Variants in CPPED1 observed in about 807,000 individuals in gnomAD.
CPPED1 encodes the protein serine/threonine-protein phosphatase CPPED1.
CPPED1 carries 28 observed loss-of-function variants against 28.0 expected under a neutral mutation model. That is an observed-to-expected ratio of 1.00 (90% confidence interval 0.74 to 1.37). The LOEUF (loss-of-function observed/expected upper bound fraction) is 1.37. Among genes scored for constraint, CPPED1 ranks in the 40% most tolerant of loss-of-function variants. The pLI is 0.00. For missense variants in CPPED1, 504 were observed against 416.5 expected, an observed-to-expected ratio of 1.21 and a Z score of -1.83; for synonymous variants, 198 against 180.2, an observed-to-expected ratio of 1.10 and a Z score of -0.79.
chr16:12,734,033 C>T (rs1461072219), intron 2 of CPPED1, among the ~76,000 whole-genome samples: 2 of 86,266 alleles, frequency 2.3e-5, no homozygotes, highest in African/African-American at 1.0e-4. Flanking sequence ...AATAATTTGT[C>T]TTTGTCTCTG....
chr16:12,797,462 C>T (rs2080634359), intron 1 of CPPED1, among the ~76,000 whole-genome samples: 1 of 151,596 alleles, frequency 6.6e-6, no homozygotes, highest in South Asian at 2.1e-4. Flanking sequence ...GTGGGAGGAT[C>T]GAGCATGGCT....
chr16:12,756,741 C>T (rs2080371841), intron 2 of CPPED1, among the ~76,000 whole-genome samples: 1 of 152,038 alleles, frequency 6.6e-6, no homozygotes, highest in South Asian at 2.1e-4. Flanking sequence ...GTGAGTGATT[C>T]CCTTGACACA....
chr16:12,781,120 C>G, intron 2 of CPPED1, 65 bp downstream of exon 2: 1 of 1,454,298 alleles, frequency 6.9e-7, no homozygotes, highest in East Asian at 2.4e-5. Flanking sequence ...CTTTTTTTCT[C>G]CTGCCCAAAT....
chr16:12,661,193 T>C lies in CPPED1; in HGVS notation c.*3693A>G, dbSNP rs1025245555. The stretch of plus-strand genomic sequence containing the variant: ...TTCTGCATTGGAATACAGACTGTAA[T>C]ATTAAACTACTATGTGTATATTGTT... On this transcript the variant is annotated 3_prime_UTR_variant, in exon 4 of 4. Transcript: ENST00000381774. 15 of 152,218 alleles carry C rather than the reference T, an allele frequency of 9.9e-5. No homozygotes were observed. Among genetic ancestry groups the C allele is most frequent in the Non-Finnish European group, 1.9e-4 (13 of 68,036 alleles). 9.4% of individuals were successfully genotyped at this position (152,218 alleles called of 1,614,324 possible).
rs753022315 is a variant in CPPED1, at chr16:12,704,838, G to C, written c.501C>G (p.Phe167Leu). The C allele has an allele frequency of 1.2e-5, 20 of 1,614,106 alleles. No homozygotes were observed. The highest frequency in any genetic ancestry group is 1.6e-5 in the Non-Finnish European group (19 of 1,180,044). The change falls in exon 3 of 4, where the codon TTC becomes TTG. Residue 167 changes from phenylalanine to leucine, a missense_variant. Transcript: ENST00000381774. ...GVLFLVLNSQ[F>L]YENPSKCPSL... ...TGGGGCATTTGGAGGGGTTCTCGTA[G>C]AACTGGGAGTTGAGGACCAGGAACA...
intron 2 of CPPED1, among the ~76,000 whole-genome samples, chr16:12,742,395 T>C (rs1338189126): frequency 2.0e-5 from 3 of 152,130 alleles, no homozygotes; most frequent in African/African-American, 4.8e-5. Context: ...ACTAAACATA[T>C]TAAAGGAATT....
intron 2 of CPPED1, among the ~76,000 whole-genome samples, chr16:12,774,469 A>C (rs901494129): frequency 6.6e-5 from 10 of 151,960 alleles, no homozygotes; most frequent in African/African-American, 1.9e-4. Flanking sequence ...CTGTCTCAAA[A>C]AAAAAAAAAG....
intron 2 of CPPED1, among the ~76,000 whole-genome samples, chr16:12,755,445 C>A (rs2141222121): frequency 6.6e-6 from 1 of 152,022 alleles, no homozygotes; most frequent in African/African-American, 2.4e-5. Flanking sequence ...CCATGCCTGG[C>A]TAATTTTTGT....
intron 3 of CPPED1, among the ~76,000 whole-genome samples, chr16:12,691,496 A>G (rs2079962506): frequency 6.6e-6 from 1 of 152,182 alleles, no homozygotes; most frequent in Non-Finnish European, 1.5e-5. Context: ...ACATGCTGCT[A>G]TAAAGACACA....
intron 3 of CPPED1, among the ~76,000 whole-genome samples, chr16:12,686,740 G>C (rs1178619606): frequency 6.6e-6 from 1 of 152,184 alleles, no homozygotes; most frequent in East Asian, 1.9e-4. Flanking sequence ...AGACATGAGA[G>C]GCAGAGTGTC....
At chr16:12,793,532 T>C (rs1436289466) in intron 1 of CPPED1, among the ~76,000 whole-genome samples, 3 of 152,208 alleles carry the variant, frequency 2.0e-5, no homozygotes, top group Non-Finnish European at 2.9e-5. Context: ...TGAACCTCTC[T>C]GGGACTCAGT....
chr16:12,726,657 A>C (rs886218904), intron 2 of CPPED1, among the ~76,000 whole-genome samples: 1 of 151,942 alleles, frequency 6.6e-6, no homozygotes, highest in African/African-American at 2.4e-5. Context: ...AAAAATTTAA[A>C]AATTAGCCAG....
At chr16:12,718,415 T>C (rs1250525017) in intron 2 of CPPED1, among the ~76,000 whole-genome samples, 1 of 150,922 alleles carries the variant, frequency 6.6e-6, no homozygotes, top group African/African-American at 2.4e-5. Flanking sequence ...GGCAGGTGCC[T>C]ATAGTCCCAG....
At chr16:12,751,561 C>A (rs895305208) in intron 2 of CPPED1, among the ~76,000 whole-genome samples, 1 of 152,198 alleles carries the variant, frequency 6.6e-6, no homozygotes, top group Non-Finnish European at 1.5e-5. Flanking sequence ...AAGACAACAG[C>A]CATACCCTAA....
At chr16:12,690,681 A>G (rs2079957873) in intron 3 of CPPED1, among the ~76,000 whole-genome samples, 1 of 146,916 alleles carries the variant, frequency 6.8e-6, no homozygotes, top group East Asian at 2.0e-4. Flanking sequence ...AAAAAAAAAA[A>G]GACACCATCA....
At chr16:12,794,546 T>C (rs1038440695) in intron 1 of CPPED1, among the ~76,000 whole-genome samples, 8 of 146,620 alleles carry the variant, frequency 5.5e-5, no homozygotes, top group Non-Finnish European at 8.9e-5. Context: ...ATATCTCTTA[T>C]CTGAAATGCT....
At chr16:12,729,000 G>C (rs960969096) in intron 2 of CPPED1, among the ~76,000 whole-genome samples, 1 of 152,180 alleles carries the variant, frequency 6.6e-6, no homozygotes, top group Non-Finnish European at 1.5e-5. Flanking sequence ...AAGTATACTT[G>C]TTCTCTGCTG....
chr16:12,661,247 T>C lies in CPPED1; in HGVS notation c.*3639A>G, dbSNP rs987870330. 1.3e-5 allele frequency: 2 copies of C among 152,248 alleles called. No individual in the cohort carries two copies. The highest frequency in any genetic ancestry group is 4.8e-5 in the African/African-American group (2 of 41,464). 9.4% of individuals were successfully genotyped at this position (152,248 alleles called of 1,614,324 possible). On this transcript the variant is annotated 3_prime_UTR_variant, in exon 4 of 4. Coordinates refer to ENST00000381774, the MANE Select transcript of CPPED1 (RefSeq NM_018340.3). ...ACAGTTGTATACACCGTAGTGTCTT[T>C]TACAGGTATATAAGGTCAATGGCCC... is the stretch of plus-strand genomic sequence containing the variant.
intron 2 of CPPED1, among the ~76,000 whole-genome samples, chr16:12,768,503 T>C (rs2080452043): frequency 6.6e-6 from 1 of 152,196 alleles, no homozygotes; most frequent in African/African-American, 2.4e-5. Context: ...AAGGTACAGT[T>C]TCACCATTGA....
Sources: gnomAD v4.1 joint callset for allele counts (sites outside exome capture counted in the v4.1 genomes callset) on GRCh38, gnomAD v4.1.1 for gene constraint, MANE v1.5 for transcripts, NCBI Gene and HGNC (gene_info 2026-07-23, HGNC 2026-07-21) for gene names.